The following CDH13 variants were observed in gnomAD, a reference collection of about 807,000 sequenced individuals.
CDH13 encodes cadherin 13.
In CDH13, 24 loss-of-function variants were observed where a neutral mutation model predicts 63.8. The observed-to-expected ratio is 0.38, with a 90% CI of 0.27 to 0.53. CDH13 has a LOEUF of 0.53. CDH13 is among the 20% of genes least tolerant of loss of function. The pLI, the probability that CDH13 is intolerant of heterozygous loss-of-function variation, is 0.85. For missense variants in CDH13, 1,049 were observed against 903.1 expected, an observed-to-expected ratio of 1.16 and a Z score of -2.07; for synonymous variants, 503 against 355.3, an observed-to-expected ratio of 1.42 and a Z score of -4.67.
chr16:83,030,910 C>A (rs1022171075), intron 2 of CDH13, among the ~76,000 whole-genome samples: 2 of 151,858 alleles, frequency 1.3e-5, no homozygotes, highest in East Asian at 1.9e-4. Flanking sequence ...AAGTTTGCCT[C>A]TATTCACCTA....
At chr16:83,039,704 T>C (rs1252611205) in intron 3 of CDH13, among the ~76,000 whole-genome samples, 1 of 152,138 alleles carries the variant, frequency 6.6e-6, no homozygotes, top group African/African-American at 2.4e-5. Flanking sequence ...TTTGAATACA[T>C]GGATGAGTGG....
chr16:82,659,206 A>G (rs8053453), intron 1 of CDH13, among the ~76,000 whole-genome samples: 38 of 152,282 alleles, frequency 2.5e-4, no homozygotes, highest in Admixed American at 8.5e-4. Context: ...GAACTTCTCT[A>G]TTGGAACCTA....
At chr16:83,323,174 T>TTTTCTTTC (rs1555530161) in intron 5 of CDH13, among the ~76,000 whole-genome samples, 22 of 82,290 alleles carry the variant, frequency 2.7e-4, no homozygotes, top group African/African-American at 8.5e-4. Flanking sequence ...TCTCTTTCTT[T>TTTTCTTTC]TTTCTTTCTT....
chr16:83,475,377 A>C (rs555135640), intron 6 of CDH13, among the ~76,000 whole-genome samples: 1 of 152,324 alleles, frequency 6.6e-6, no homozygotes, highest in South Asian at 2.1e-4. Context: ...AGGAAGCTGC[A>C]TGTTCAAGGT....
intron 5 of CDH13, among the ~76,000 whole-genome samples, chr16:83,342,613 A>G (rs1033942579): frequency 2.0e-5 from 3 of 152,156 alleles, no homozygotes; most frequent in Admixed American, 1.3e-4. Context: ...TTCTGTATTC[A>G]TCCTAATCAA....
At chr16:83,498,154 G>C (rs779738362) in intron 7 of CDH13, among the ~76,000 whole-genome samples, 8 of 152,206 alleles carry the variant, frequency 5.3e-5, no homozygotes, top group Non-Finnish European at 8.8e-5. Flanking sequence ...CATTATGTTA[G>C]AGCCCTGATA....
At chr16:82,726,017 G>A (rs1286244207) in intron 1 of CDH13, among the ~76,000 whole-genome samples, 2 of 152,142 alleles carry the variant, frequency 1.3e-5, no homozygotes, top group Non-Finnish European at 2.9e-5. Flanking sequence ...CAAGCAGTCC[G>A]TGATGGTGAG....
At chr16:83,031,198 T>C (rs574886979) in intron 2 of CDH13, among the ~76,000 whole-genome samples, 80 of 147,822 alleles carry the variant, frequency 5.4e-4, no homozygotes, top group African/African-American at 1.8e-3. Flanking sequence ...ACCATATACA[T>C]GCGCATGTAT....
At chr16:82,828,660 G>A (rs1880202634) in intron 1 of CDH13, among the ~76,000 whole-genome samples, 1 of 136,802 alleles carries the variant, frequency 7.3e-6, no homozygotes, top group Non-Finnish European at 1.7e-5. Flanking sequence ...GTGTGTGTGT[G>A]TGTGTATATA....
chr16:83,420,074 AT>A, intron 6 of CDH13, among the ~76,000 whole-genome samples: 1 of 152,150 alleles, frequency 6.6e-6, no homozygotes, highest in Non-Finnish European at 1.5e-5. Flanking sequence ...AGGGCAAAGA[AT>A]TTCCCAGAAA....
At chr16:83,360,591 T>C (rs1239745751) in intron 6 of CDH13, among the ~76,000 whole-genome samples, 1 of 152,166 alleles carries the variant, frequency 6.6e-6, no homozygotes, top group African/African-American at 2.4e-5. Context: ...ACCTAACAGT[T>C]AATTTTTCAA....
At chr16:83,665,219 A>G (rs1913833265) in intron 8 of CDH13, among the ~76,000 whole-genome samples, 1 of 152,218 alleles carries the variant, frequency 6.6e-6, no homozygotes, top group Admixed American at 6.5e-5. Flanking sequence ...TAAAATACAT[A>G]TATACATAAC....
rs1169577889 is a variant in CDH13, at chr16:83,032,110, C to G, written c.258C>G (p.Asn86Lys). The G allele has an allele frequency of 1.9e-6, 3 of 1,613,458 alleles. No individual in the cohort carries two copies. The East Asian group carries it at 6.7e-5, about 36-fold the overall frequency. The change falls in exon 3 of 14, where the codon AAC becomes AAG. Residue 86 changes from asparagine to lysine, a missense_variant. Asn to Lys is a moderately conservative substitution (Grantham distance 94, BLOSUM62 0). Coordinates refer to ENST00000567109, the MANE Select transcript of CDH13 (RefSeq NM_001257.5). ...NSDGGLVALR[N>K]ITAVGKTLFV... The stretch of plus-strand genomic sequence containing the variant: ...ATGGCGGCTTAGTTGCTCTGAGAAA[C>G]ATAACTGCAGTGGGCAAAACTCTGT...
chr16:83,603,160 G>A (rs947865712), intron 8 of CDH13, among the ~76,000 whole-genome samples: 2 of 152,200 alleles, frequency 1.3e-5, no homozygotes, highest in Non-Finnish European at 2.9e-5. Flanking sequence ...TTGGGGAAGG[G>A]CTGAGTACAC....
chr16:83,446,852 G>GT (rs1567678472), intron 6 of CDH13, among the ~76,000 whole-genome samples: 1 of 151,790 alleles, frequency 6.6e-6, no homozygotes, highest in African/African-American at 2.4e-5. Context: ...CTTTTGGGGG[G>GT]CTTTTAAAAG....
chr16:83,083,940 C>G (rs913648159), intron 3 of CDH13, among the ~76,000 whole-genome samples: 2 of 152,200 alleles, frequency 1.3e-5, no homozygotes, highest in African/African-American at 4.8e-5. Flanking sequence ...CTCACTATCT[C>G]GTTAATAACC....
At chr16:83,353,539 G>GAACT (rs1392281358) in intron 6 of CDH13, among the ~76,000 whole-genome samples, 1 of 152,200 alleles carries the variant, frequency 6.6e-6, no homozygotes, top group Admixed American at 6.5e-5. Flanking sequence ...CCAACCAACA[G>GAACT]AACTGTATGT....
At chr16:82,890,854 G>C (rs574598568) in intron 2 of CDH13, among the ~76,000 whole-genome samples, 81 of 152,040 alleles carry the variant, frequency 5.3e-4, no homozygotes, top group African/African-American at 2.0e-3. Context: ...ATTTTACCGT[G>C]TTGGCCAGGC....
At chr16:83,367,488 C>T (rs1002564915) in intron 6 of CDH13, among the ~76,000 whole-genome samples, 10 of 152,262 alleles carry the variant, frequency 6.6e-5, no homozygotes, top group African/African-American at 2.2e-4. Flanking sequence ...TATATGTTTT[C>T]ATCTTTTTCT....
Sources: gnomAD v4.1 joint callset for allele counts (sites outside exome capture counted in the v4.1 genomes callset) on GRCh38, gnomAD v4.1.1 for gene constraint, MANE v1.5 for transcripts, NCBI Gene and HGNC (gene_info 2026-07-23, HGNC 2026-07-21) for gene names.